GATM: variants seen among roughly 807,000 people sequenced by gnomAD.
GATM encodes the protein glycine amidinotransferase, mitochondrial.
In GATM, 23 loss-of-function variants were observed where a neutral mutation model predicts 54.2. The ratio of observed to expected loss-of-function variants is 0.42; its 90% CI spans 0.31 to 0.60. The LOEUF (loss-of-function observed/expected upper bound fraction) is 0.60. Ranked by LOEUF, GATM falls within the 20% of genes least tolerant of loss-of-function variation. GATM has a pLI of 0.14. For missense variants in GATM, 401 were observed against 544.9 expected, an observed-to-expected ratio of 0.74 and a Z score of 2.63; for synonymous variants, 168 against 183.1, an observed-to-expected ratio of 0.92 and a Z score of 0.67.
In GATM at chr15:45,389,439, GT is replaced by G. The variant is rs944082469; in HGVS notation, c.-319+7482del. Reference sequence around the variant, plus strand: ...ATCAAAGACTTCTTGTTTTTGCAGGGTTTTTTGTTTTGTTTTGTTTTTTAGA... The same window carrying G: ...ATCAAAGACTTCTTGTTTTTGCAGGGTTTTTGTTTTGTTTTGTTTTTTAGA... On this transcript the variant is annotated intron_variant, in intron 3 of 4. Coordinates refer to the GATM transcript ENST00000561148. Among the ~76,000 whole-genome samples the G allele has an allele frequency of 3.3e-5, 5 of 152,192 alleles. No individual in the cohort carries two copies. The East Asian group carries it at 7.7e-4, about 23-fold the overall frequency.
At position 45,376,245 on chromosome 15, in the gene GATM, G is replaced by C. The variant is rs577027318; in HGVS notation, c.288+356C>G. On this transcript the variant is annotated intron_variant, in intron 2 of 8. Coordinates refer to ENST00000396659, the MANE Select transcript of GATM (RefSeq NM_001482.3). The stretch of plus-strand genomic sequence containing the variant: ...GAGTTCAATACAGAGATCCGGACCA[G>C]AGAGGAGGTGGGAGCGGTAGCTGTG... 2.0e-5 allele frequency among the ~76,000 whole-genome samples: 3 copies of C among 152,348 alleles called. No homozygotes were observed. The South Asian group carries it at 6.2e-4, about 32-fold the overall frequency.
At chr15:45,364,548 A>AC (rs900199215) in intron 7 of GATM, 38 of 446,596 alleles carry the variant, frequency 8.5e-5, no homozygotes, top group African/African-American at 6.2e-4. Flanking sequence ...AAAAAAAAAA[A>AC]AGTCATATCT....
intron 2 of GATM, among the ~76,000 whole-genome samples, chr15:45,376,138 G>A (rs1889628203): frequency 6.6e-6 from 1 of 152,192 alleles, no homozygotes; most frequent in Non-Finnish European, 1.5e-5. Context: ...TGAGCAGGTG[G>A]CTGGCAACTG....
intron 8 of GATM, chr15:45,363,529 T>C (rs149654394): frequency 3.1e-4 from 99 of 316,596 alleles, no homozygotes; most frequent in African/African-American, 2.1e-3. Flanking sequence ...CTTTGAAATA[T>C]GTGATGACAG....
intron 5 of GATM, 45 bp downstream of exon 5, chr15:45,366,326 A>T: frequency 1.2e-6 from 2 of 1,612,516 alleles, no homozygotes; most frequent in African/African-American, 1.3e-5. Flanking sequence ...GGAAGTAAAG[A>T]ATACAATAAT....
chr15:45,386,414 G>A (rs1205313463), intron 3 of GATM, among the ~76,000 whole-genome samples: 2 of 152,070 alleles, frequency 1.3e-5, no homozygotes, highest in African/African-American at 2.4e-5. Context: ...GAAGCAAAAG[G>A]CCCTGTGTCT....
chr15:45,370,822 G>C (rs550550198), intron 2 of GATM, among the ~76,000 whole-genome samples: 108 of 152,288 alleles, frequency 7.1e-4, no homozygotes, highest in African/African-American at 2.5e-3. Context: ...CCAGACAGGA[G>C]TGCAATGGCA....
intron 7 of GATM, 65 bp downstream of exon 7, chr15:45,364,732 A>C: frequency 6.3e-6 from 9 of 1,428,626 alleles, no homozygotes; most frequent in Non-Finnish European, 8.9e-6. Flanking sequence ...TGCTCTCTAT[A>C]GGAGAAAGAT....
chr15:45,378,535 G>A lies in GATM; in HGVS notation c.-82C>T. On this transcript the variant is annotated 5_prime_UTR_variant, in exon 1 of 9. Transcript: ENST00000396659. ...TCCAAGCCTTCCCGAGAGCGCGCCC[G>A]GAGCGGGGTGGGCGGGCGCGCGGGG... The A allele has an allele frequency of 8.7e-7, 1 of 1,153,726 alleles. No homozygotes were observed. Among genetic ancestry groups the A allele is most frequent in the South Asian group, 2.3e-5 (1 of 43,138 alleles). 71.5% of individuals were successfully genotyped at this position (1,153,726 alleles called of 1,614,324 possible). A position where few individuals can be genotyped will look rare whatever the true frequency, so the allele number is the denominator to read the frequency against.
intron 3 of GATM, among the ~76,000 whole-genome samples, chr15:45,394,268 C>T (rs184629902): frequency 1.2e-4 from 18 of 152,232 alleles, no homozygotes; most frequent in Admixed American, 4.6e-4. Context: ...CTAGGTTGTG[C>T]GTTCCTTATG....
At chr15:45,391,020 T>G (rs1889866622) in intron 3 of GATM, among the ~76,000 whole-genome samples, 1 of 152,342 alleles carries the variant, frequency 6.6e-6, no homozygotes, top group East Asian at 1.9e-4. Flanking sequence ...CACGCCTACT[T>G]GTACAAACTA....
intron 3 of GATM, among the ~76,000 whole-genome samples, chr15:45,388,058 G>C (rs1203960869): frequency 6.6e-6 from 1 of 152,092 alleles, no homozygotes. Flanking sequence ...ATGTTGCCCA[G>C]GCTGGTCTTG....
At position 45,376,581 on chromosome 15, in the gene GATM, T is replaced by C. The variant is rs1057520509; in HGVS notation, c.288+20A>G. 1 of 1,610,766 alleles carries C rather than the reference T, an allele frequency of 6.2e-7. No individual in the cohort carries two copies. Among genetic ancestry groups the C allele is most frequent in the South Asian group, 1.1e-5 (1 of 91,008 alleles). On this transcript the variant is annotated intron_variant, in intron 2 of 8. Coordinates refer to ENST00000396659, the MANE Select transcript of GATM (RefSeq NM_001482.3). ...TGAGGAGGGAGCGCACTTTCAGACA[T>C]GTGAATAGCCTTCCTTTACCTTCAC...
chr15:45,389,480 GT>G (rs1267678403), intron 3 of GATM, among the ~76,000 whole-genome samples: 1 of 152,210 alleles, frequency 6.6e-6, no homozygotes. Context: ...GTCTTGCTCT[GT>G]TGCCCAGGCT....
intron 2 of GATM, among the ~76,000 whole-genome samples, chr15:45,373,006 A>G (rs1235328240): frequency 6.6e-6 from 1 of 152,222 alleles, no homozygotes; most frequent in Non-Finnish European, 1.5e-5. Flanking sequence ...GAACCTTTAT[A>G]TTCTTTCAAA....
intron 3 of GATM, among the ~76,000 whole-genome samples, chr15:45,396,756 G>C (rs1889936411): frequency 6.6e-6 from 1 of 151,252 alleles, no homozygotes; most frequent in Non-Finnish European, 1.5e-5. Context: ...TGTAATCCCA[G>C]CTACTCGGGA....
chr15:45,368,235 G>A lies in GATM; in HGVS notation c.510C>T (p.Asp170=). 2 of 1,613,996 alleles carry A rather than the reference G, an allele frequency of 1.2e-6. No individual in the cohort carries two copies. The highest frequency in any genetic ancestry group is 1.7e-6 in the Non-Finnish European group (2 of 1,180,020). Residue 170 remains aspartate, a synonymous_variant, in exon 4 of 9, where the codon GAC becomes GAT. Transcript: ENST00000396659. The surrounding 1 kb of genome is among the most constrained non-coding windows in gnomAD (Gnocchi z 5.1). ...STGLYSAMPR[D]ILIVVGNEII... ...TCTCATTGCCCACAACTATCAGGAT[G>A]TCTCGAGGCATTGCACTGTATAAAC...
chr15:45,362,257 C>G, intron 8 of GATM, 36 bp from the exon 9 acceptor site: 1 of 1,248,872 alleles, frequency 8.0e-7, no homozygotes, highest in Non-Finnish European at 1.2e-6. Context: ...GTTAGATGGA[C>G]TAACATGACG....
At chr15:45,375,076 T>C (rs1889608232) in intron 2 of GATM, among the ~76,000 whole-genome samples, 1 of 151,910 alleles carries the variant, frequency 6.6e-6, no homozygotes, top group South Asian at 2.1e-4. Context: ...TTTTTGTTTG[T>C]TTGTTTGTTT....
Sources: allele counts gnomAD v4.1 joint callset (sites outside exome capture counted in the v4.1 genomes callset), GRCh38; gene constraint gnomAD v4.1.1; non-coding constraint Gnocchi (gnomAD v3.1); transcripts MANE v1.5; gene names NCBI Gene and HGNC (gene_info 2026-07-23, HGNC 2026-07-21).